Variants in JMJD1C observed in about 807,000 individuals in gnomAD.
JMJD1C encodes the protein jumonji domain-containing protein 1C.
Under a neutral mutation model 245.3 loss-of-function variants are expected in JMJD1C, and 31 were observed. That is an observed-to-expected ratio of 0.13 (90% CI 0.09 to 0.17). The LOEUF is 0.17. Ranked by LOEUF, JMJD1C falls within the 10% of genes least tolerant of loss-of-function variation. The pLI is 1.00. For synonymous variants in JMJD1C, 1,057 were observed against 1,017.4 expected, an observed-to-expected ratio of 1.04 and a Z score of -0.74; for missense variants, 2,691 against 3,000.2, an observed-to-expected ratio of 0.90 and a Z score of 2.41.
intron 2 of JMJD1C, among the ~76,000 whole-genome samples, chr10:63,266,551 A>C (rs1855595776): frequency 6.6e-6 from 1 of 152,184 alleles, no homozygotes; most frequent in African/African-American, 2.4e-5. Context: ...TACTGTAAAA[A>C]ATGTTTTTTC....
At chr10:63,427,995 C>T (rs1202798143) in intron 1 of JMJD1C, 7 of 686,400 alleles carry the variant, frequency 1.0e-5, no homozygotes, top group Non-Finnish European at 1.9e-5. Context: ...TTTGGCTTAG[C>T]CCCCTCTGTG....
rs752941477 is a variant in JMJD1C, at chr10:63,493,249, C to CTTTTTTTTTTTTT, written n.113+28476_113+28488dup. On this transcript the variant is annotated intron_variant and non_coding_transcript_variant, in intron 1 of 3. Coordinates refer to the JMJD1C transcript ENST00000633035. ...GTAGATGGGAACAAAACTGTTATTT[C>CTTTTTTTTTTTTT]TTTTTTTTTTTTTTTTTTTTTTTTT... Among the ~76,000 whole-genome samples the CTTTTTTTTTTTTT allele has an allele frequency of 1.4e-3, 67 of 49,144 alleles. 9 individuals carry two copies. The highest frequency in any genetic ancestry group is 4.3e-3 in the Admixed American group (11 of 2,576). 32.2% of individuals were successfully genotyped at this position (49,144 alleles called of 152,430 possible).
chr10:63,509,028 A>AG (rs1368217346), intron 1 of JMJD1C, among the ~76,000 whole-genome samples: 1 of 152,238 alleles, frequency 6.6e-6, no homozygotes, highest in Non-Finnish European at 1.5e-5. Flanking sequence ...GAAAGGTTCC[A>AG]GTTTCTTAAC....
rs115338204 is a variant in JMJD1C, at chr10:63,456,979, T to C, written c.168+8516A>G. Among the ~76,000 whole-genome samples, 404 of 152,294 alleles carry C rather than the reference T, an allele frequency of 2.7e-3. 3 individuals carry two copies. Among genetic ancestry groups the C allele is most frequent in the African/African-American group, 9.1e-3 (377 of 41,592 alleles). ...ACTAAGACATTATTTGCCTTTTCCATTCATTCTTTCATCAGTGTTCAGAGC... is the reference window on the plus strand; with the variant it reads ...ACTAAGACATTATTTGCCTTTTCCACTCATTCTTTCATCAGTGTTCAGAGC... On this transcript the variant is annotated intron_variant, in intron 1 of 25. Transcript: ENST00000399262.
Position 63,423,177 on chromosome 10 carries a change from C to T in JMJD1C, c.168+42318G>A, listed in dbSNP as rs192535672. On this transcript the variant is annotated intron_variant, in intron 1 of 25. Coordinates refer to ENST00000399262, the MANE Select transcript of JMJD1C (RefSeq NM_032776.3). ...ACGGGGTTTCACCATGTTAGCCAGG[C>T]TGTTCTTAAACTCCTGACCTCTGGT... Among the ~76,000 whole-genome samples, 125 of 152,210 alleles carry T rather than the reference C, an allele frequency of 8.2e-4. No homozygotes were observed. The Middle Eastern group carries it at 0.014, about 17-fold the overall frequency.
intron 2 of JMJD1C, among the ~76,000 whole-genome samples, chr10:63,335,040 A>T (rs1396621402): frequency 2.6e-5 from 4 of 151,144 alleles, no homozygotes; most frequent in Non-Finnish European, 5.9e-5. Context: ...ATAAAAAAAA[A>T]AAAAAATATT....
At chr10:63,340,889 G>C (rs192287468) in intron 2 of JMJD1C, among the ~76,000 whole-genome samples, 42 of 152,198 alleles carry the variant, frequency 2.8e-4, no homozygotes, top group Middle Eastern at 6.8e-3. Flanking sequence ...AGGTTGCAGT[G>C]AGTTGAAATC....
chr10:63,469,685 G>T (rs184329464), upstream of JMJD1C, among the ~76,000 whole-genome samples: 81 of 152,160 alleles, frequency 5.3e-4, no homozygotes, highest in African/African-American at 1.9e-3. Flanking sequence ...CAAATTTAAT[G>T]CATTTTAACA....
At chr10:63,194,587 T>C in intron 13 of JMJD1C, 3 of 424,534 alleles carry the variant, frequency 7.1e-6, no homozygotes, top group East Asian at 7.3e-5. Flanking sequence ...AGTTCCACCA[T>C]TTCCTGATTT....
intron 13 of JMJD1C, chr10:63,194,669 C>A (rs1845238763): frequency 3.8e-6 from 1 of 265,232 alleles, no homozygotes; most frequent in African/African-American, 2.2e-5. Flanking sequence ...TTATTAGTGA[C>A]CTCTATCTTT....
At chr10:63,472,370 T>G (rs1253783775) in intron 1 of JMJD1C, among the ~76,000 whole-genome samples, 1 of 152,342 alleles carries the variant, frequency 6.6e-6, no homozygotes, top group East Asian at 1.9e-4. Flanking sequence ...AGTCTCCCTG[T>G]TGCCCAGGTT....
intron 1 of JMJD1C, among the ~76,000 whole-genome samples, chr10:63,414,930 A>G (rs1457177974): frequency 7.6e-6 from 1 of 131,552 alleles, no homozygotes; most frequent in Non-Finnish European, 1.7e-5. Context: ...AATTATTCCA[A>G]CACTAGAGAA....
intron 2 of JMJD1C, among the ~76,000 whole-genome samples, chr10:63,274,287 A>G (rs1856583809): frequency 6.6e-6 from 1 of 152,182 alleles, no homozygotes; most frequent in African/African-American, 2.4e-5. Flanking sequence ...ACAGTAGGTC[A>G]TACGCAGTGG....
chr10:63,176,639 GA>G (rs1238673171), intron 23 of JMJD1C, 166 bp from the exon 24 acceptor site: 6 of 603,566 alleles, frequency 9.9e-6, no homozygotes, highest in Non-Finnish European at 1.7e-5. Flanking sequence ...CAATAATTTG[GA>G]AAGCCAAAGA....
intron 2 of JMJD1C, among the ~76,000 whole-genome samples, chr10:63,332,946 A>T (rs1942319295): frequency 6.6e-6 from 1 of 152,196 alleles, no homozygotes; most frequent in Non-Finnish European, 1.5e-5. Context: ...TTATCAGACC[A>T]CAATACATAC....
intron 2 of JMJD1C, among the ~76,000 whole-genome samples, chr10:63,328,211 GT>G (rs992412722): frequency 2.0e-5 from 3 of 151,790 alleles, no homozygotes; most frequent in African/African-American, 7.3e-5. Context: ...GAAGTTGGAG[GT>G]TACAGTAAGC....
intron 1 of JMJD1C, among the ~76,000 whole-genome samples, chr10:63,398,221 C>T (rs1240323437): frequency 6.6e-6 from 1 of 152,122 alleles, no homozygotes; most frequent in Admixed American, 6.6e-5. Context: ...CATATTGCAA[C>T]TGTTTGATAT....
intron 3 of JMJD1C, among the ~76,000 whole-genome samples, chr10:63,231,079 C>T (rs1442042201): frequency 6.6e-6 from 1 of 152,126 alleles, no homozygotes; most frequent in Non-Finnish European, 1.5e-5. Flanking sequence ...TGTATACATT[C>T]CAAACATGAA....
intron 3 of JMJD1C, among the ~76,000 whole-genome samples, chr10:63,248,001 G>A (rs1288722022): frequency 6.6e-6 from 1 of 152,074 alleles, no homozygotes; most frequent in East Asian, 1.9e-4. Context: ...AGCCGAGGTA[G>A]TGGATCACTT....
Sources: gnomAD v4.1 joint callset for allele counts (sites outside exome capture counted in the v4.1 genomes callset) on GRCh38, gnomAD v4.1.1 for gene constraint, MANE v1.5 for transcripts, NCBI Gene and HGNC (gene_info 2026-07-23, HGNC 2026-07-21) for gene names.